Variants in MEP1B observed in about 807,000 individuals in gnomAD.
MEP1B encodes the protein meprin A subunit beta.
In MEP1B, 80 loss-of-function variants were observed where a neutral mutation model predicts 84.6. The ratio of observed to expected loss-of-function variants is 0.95; its 90% CI spans 0.79 to 1.14. MEP1B has a LOEUF of 1.14. Ranked by LOEUF, MEP1B falls within the 50% of genes most tolerant of loss-of-function variation. The probability of loss-of-function intolerance (pLI) is 0.00; values close to 1 mark genes in which losing one functional copy is unlikely to be tolerated. For missense variants in MEP1B, 766 were observed against 855.1 expected (o/e 0.90, Z 1.30); for synonymous variants, 273 against 288.1 (o/e 0.95, Z 0.53).
chr18:32,197,860 T>C (rs1180843547), intron 5 of MEP1B, among the ~76,000 whole-genome samples: 1 of 152,218 alleles, frequency 6.6e-6, no homozygotes, highest in African/African-American at 2.4e-5. Context: ...TAGCACCCAA[T>C]AGGTGGCTTC....
At chr18:32,216,600 T>G (rs2041091989) in intron 12 of MEP1B, among the ~76,000 whole-genome samples, 1 of 152,204 alleles carries the variant, frequency 6.6e-6, no homozygotes, top group Non-Finnish European at 1.5e-5. Context: ...CAGGCCAGCA[T>G]GTGGTTGAGT....
chr18:32,214,132 A>G (rs2041059126), intron 11 of MEP1B, among the ~76,000 whole-genome samples: 1 of 152,140 alleles, frequency 6.6e-6, no homozygotes, highest in Non-Finnish European at 1.5e-5. Context: ...TTTTGACCAG[A>G]AGGAAGGTAT....
At position 32,205,489 on chromosome 18, in the gene MEP1B, G is replaced by A. The variant is rs76660059; in HGVS notation, c.547+1129G>A. ...TCACAGCTCTTGCTCTTTATCCCCC[G>A]ACTCTGCTTATCTCAAATGCGGTCA... On this transcript the variant is annotated intron_variant, in intron 7 of 14. Transcript: ENST00000269202. Among the ~76,000 whole-genome samples the A allele has an allele frequency of 3.8e-3, 572 of 152,266 alleles. 9 individuals carry two copies. The highest frequency in any genetic ancestry group is 0.013 in the African/African-American group (538 of 41,554).
In MEP1B at chr18:32,196,849, C is replaced by A; in HGVS notation, c.250+1364C>A. 1.8e-6 allele frequency: 1 copy of A among 544,992 alleles called. No individual in the cohort carries two copies. 33.8% of individuals were successfully genotyped at this position (544,992 alleles called of 1,614,324 possible). A position where few individuals can be genotyped will look rare whatever the true frequency, so the allele number is the denominator to read the frequency against. On this transcript the variant is annotated intron_variant, in intron 5 of 14. Coordinates refer to ENST00000269202, the MANE Select transcript of MEP1B (RefSeq NM_005925.3). This position sits in a 1 kb window ranked among gnomAD's most constrained non-coding sequence, Gnocchi z 4.4. Reference sequence around the variant, plus strand: ...TTCTGCTGGCTTCTCAGGGCCTCTGCGTACTTGCCCATGATGTAGTGGAGG... The same window carrying A: ...TTCTGCTGGCTTCTCAGGGCCTCTGAGTACTTGCCCATGATGTAGTGGAGG...
intron 2 of MEP1B, among the ~76,000 whole-genome samples, chr18:32,192,407 T>C (rs1392730854): frequency 6.6e-6 from 1 of 152,108 alleles, no homozygotes; most frequent in Non-Finnish European, 1.5e-5. Context: ...CCCGAAGTCA[T>C]TTGACATTCA....
Position 32,196,896 on chromosome 18 carries a change from G to A in MEP1B, c.250+1411G>A, listed in dbSNP as rs1447066911. 3 of 450,274 alleles carry A rather than the reference G, an allele frequency of 6.7e-6. No individual in the cohort carries two copies. The highest frequency in any genetic ancestry group is 1.3e-5 in the Non-Finnish European group (3 of 238,626). 27.9% of individuals were successfully genotyped at this position (450,274 alleles called of 1,614,324 possible). Reference sequence around the variant, plus strand: ...GAGGCGGGCAAGGAGGCGCAGGCAGGCTCAGATCTCCACGTGCACTGCTCC... The same window carrying A: ...GAGGCGGGCAAGGAGGCGCAGGCAGACTCAGATCTCCACGTGCACTGCTCC... On this transcript the variant is annotated intron_variant, in intron 5 of 14. Transcript: ENST00000269202. This position sits in a 1 kb window ranked among gnomAD's most constrained non-coding sequence, Gnocchi z 4.4.
intron 5 of MEP1B, among the ~76,000 whole-genome samples, chr18:32,199,806 C>G (rs1324383628): frequency 6.6e-6 from 1 of 152,066 alleles, no homozygotes; most frequent in African/African-American, 2.4e-5. Context: ...TTCCAAGTAT[C>G]TGGGACCACA....
At position 32,213,237 on chromosome 18, in the gene MEP1B, C is replaced by A; in HGVS notation, c.1257C>A (p.Asp419Glu). The A allele has an allele frequency of 6.2e-7, 1 of 1,613,984 alleles. No individual in the cohort carries two copies. The highest frequency in any genetic ancestry group is 8.5e-7 in the Non-Finnish European group (1 of 1,179,868). Residue 419 changes from aspartate to glutamate, a missense_variant, in exon 11 of 15, where the codon GAC becomes GAA. By Grantham distance (45) the Asp-to-Glu change is conservative (BLOSUM62 2). Transcript: ENST00000269202. Reference protein sequence around the residue: ...GASLGGLSIDDINLSETRCPH... With the variant: ...GASLGGLSIDEINLSETRCPH... ...CACTGGGTGGTCTGTCTATTGATGA[C>A]ATCAATCTTTCGGAAACACGGTGCC...
At chr18:32,195,007 G>T (rs1259733670) in intron 4 of MEP1B, among the ~76,000 whole-genome samples, 1 of 151,998 alleles carries the variant, frequency 6.6e-6, no homozygotes, top group Non-Finnish European at 1.5e-5. Context: ...AAAAATTTTT[G>T]AAAACTTTGG....
intron 12 of MEP1B, among the ~76,000 whole-genome samples, chr18:32,215,664 A>T (rs1184085281): frequency 5.9e-5 from 9 of 152,048 alleles, no homozygotes; most frequent in Non-Finnish European, 1.2e-4. Context: ...CTCTACTAAA[A>T]ACATAAAAAA....
chr18:32,201,299 T>TACACACACACACACAC (rs58057830), intron 5 of MEP1B, among the ~76,000 whole-genome samples: 1 of 144,230 alleles, frequency 6.9e-6, no homozygotes, highest in African/African-American at 2.6e-5. Flanking sequence ...CATATGTAGA[T>TACACACACACACACAC]ACACACACAC....
chr18:32,213,596 C>T (rs764391473), intron 11 of MEP1B, 37 bp downstream of exon 11: 2 of 1,485,680 alleles, frequency 1.3e-6, no homozygotes, highest in South Asian at 2.3e-5. Flanking sequence ...AATAAACAAT[C>T]ATTGCTCTAG....
At chr18:32,215,553 A>G (rs1318082482) in intron 12 of MEP1B, among the ~76,000 whole-genome samples, 3 of 152,212 alleles carry the variant, frequency 2.0e-5, no homozygotes, top group African/African-American at 7.2e-5. Flanking sequence ...GGCCGGGCGC[A>G]GTGGCTCATG....
chr18:32,204,039 T>G, intron 6 of MEP1B, 143 bp from the exon 7 acceptor site: 1 of 672,698 alleles, frequency 1.5e-6, no homozygotes, highest in Non-Finnish European at 2.6e-6. Flanking sequence ...ACCTGGGTTA[T>G]GAGAGAAACG....
At chr18:32,190,519 T>C (rs1306487596) in intron 1 of MEP1B, among the ~76,000 whole-genome samples, 2 of 152,158 alleles carry the variant, frequency 1.3e-5, no homozygotes, top group East Asian at 1.9e-4. Context: ...TATAACGTGG[T>C]ATTTCTCTTA....
chr18:32,193,445 T>C (rs1422225540), intron 4 of MEP1B, among the ~76,000 whole-genome samples: 1 of 152,098 alleles, frequency 6.6e-6, no homozygotes, highest in Non-Finnish European at 1.5e-5. Flanking sequence ...AAAGACAAGA[T>C]ATAGTTTATT....
intron 6 of MEP1B, among the ~76,000 whole-genome samples, chr18:32,203,623 T>C (rs764448312): frequency 2.0e-5 from 3 of 152,178 alleles, no homozygotes; most frequent in African/African-American, 7.2e-5. Flanking sequence ...ATACCTGGTA[T>C]ATTAGGCCAT....
At chr18:32,201,309 C>CACAAACACACACACACAA (rs72228520) in intron 5 of MEP1B, among the ~76,000 whole-genome samples, 2 of 151,388 alleles carry the variant, frequency 1.3e-5, no homozygotes, top group Non-Finnish European at 2.9e-5. Context: ...TACACACACA[C>CACAAACACACACACACAA]ACACACACAC....
At chr18:32,194,940 G>A (rs564816979) in intron 4 of MEP1B, among the ~76,000 whole-genome samples, 7 of 152,142 alleles carry the variant, frequency 4.6e-5, no homozygotes, top group Admixed American at 2.6e-4. Context: ...TTTGTGGACT[G>A]AGTAAATACA....
Sources: allele counts gnomAD v4.1 joint callset (sites outside exome capture counted in the v4.1 genomes callset), GRCh38; gene constraint gnomAD v4.1.1; non-coding constraint Gnocchi (gnomAD v3.1); transcripts MANE v1.5; gene names NCBI Gene and HGNC (gene_info 2026-07-23, HGNC 2026-07-21).